Variants in TMEM74 observed in about 807,000 individuals in gnomAD.
The protein encoded by TMEM74 is transmembrane protein 74.
TMEM74 carries 13 observed loss-of-function variants against 18.1 expected under a neutral mutation model. The observed-to-expected ratio is 0.72, with a 90% confidence interval of 0.47 to 1.14. The LOEUF is 1.14. Among genes scored for constraint, TMEM74 ranks in the 50% most tolerant of loss-of-function variants. TMEM74 has a pLI of 0.00. For synonymous variants in TMEM74, 159 were observed against 146.6 expected (o/e 1.08, Z -0.61); for missense variants, 372 against 375.9 (o/e 0.99, Z 0.09).
At chr8:108,692,245 C>T (rs919998500) in intron 1 of TMEM74, among the ~76,000 whole-genome samples, 2 of 152,182 alleles carry the variant, frequency 1.3e-5, no homozygotes, top group Non-Finnish European at 2.9e-5. Flanking sequence ...TAAAACAACA[C>T]TAGCAAAGGT....
chr8:108,646,192 T>C (rs1352772569), intron 2 of TMEM74, among the ~76,000 whole-genome samples: 1 of 151,724 alleles, frequency 6.6e-6, no homozygotes, highest in East Asian at 1.9e-4. Context: ...AAATTCTCCA[T>C]GTGTATCCAT....
chr8:108,619,943 C>A (rs1812422926), intron 2 of TMEM74, among the ~76,000 whole-genome samples: 1 of 152,150 alleles, frequency 6.6e-6, no homozygotes, highest in South Asian at 2.1e-4. Context: ...ATGCTTTTTG[C>A]TGCTACTGCT....
At chr8:108,639,770 G>A (rs147349884) in intron 2 of TMEM74, among the ~76,000 whole-genome samples, 4 of 152,058 alleles carry the variant, frequency 2.6e-5, no homozygotes, top group South Asian at 2.1e-4. Flanking sequence ...TGGTCCCTAC[G>A]TATTACAGGA....
chr8:108,650,749 C>A (rs1236733417), intron 2 of TMEM74, among the ~76,000 whole-genome samples: 1 of 150,656 alleles, frequency 6.6e-6, no homozygotes, highest in Non-Finnish European at 1.5e-5. Flanking sequence ...TTGCTCTTGT[C>A]CCCCAGGCTG....
chr8:108,715,116 C>T (rs1220090491), intron 1 of TMEM74, among the ~76,000 whole-genome samples: 1 of 152,070 alleles, frequency 6.6e-6, no homozygotes, highest in African/African-American at 2.4e-5. Context: ...ATATTACCTG[C>T]TTTTTAATTT....
chr8:108,779,885 T>G lies in TMEM74; in HGVS notation c.*4296A>C, dbSNP rs79422180. The stretch of plus-strand genomic sequence containing the variant: ...AACGTCTTGCTTTTTACAGTGTCAA[T>G]TCACTAGGCAGGCAAATTATTTCCC... On this transcript the variant is annotated 3_prime_UTR_variant, in exon 2 of 2. Transcript: ENST00000297459. Among the ~76,000 whole-genome samples, 1,001 of 152,302 alleles carry G rather than the reference T, an allele frequency of 6.6e-3. 14 individuals carry two copies. Among genetic ancestry groups the G allele is most frequent in the African/African-American group, 0.022 (899 of 41,566 alleles).
chr8:108,684,251 C>G (rs1813145997), intron 1 of TMEM74, among the ~76,000 whole-genome samples: 1 of 152,024 alleles, frequency 6.6e-6, no homozygotes, highest in Admixed American at 6.5e-5. Context: ...TCCTTTGCAT[C>G]CTTGCCAGCA....
At chr8:108,680,720 C>A (rs2130598585) in intron 1 of TMEM74, among the ~76,000 whole-genome samples, 1 of 152,332 alleles carries the variant, frequency 6.6e-6, no homozygotes, top group South Asian at 2.1e-4. Context: ...AAGAGGAAGT[C>A]AAATTGTCCC....
chr8:108,678,690 G>T (rs1813080706), intron 1 of TMEM74, among the ~76,000 whole-genome samples: 1 of 149,728 alleles, frequency 6.7e-6, no homozygotes, highest in Admixed American at 6.7e-5. Flanking sequence ...TTCTTATAAA[G>T]CTGACTTTAT....
intron 1 of TMEM74, among the ~76,000 whole-genome samples, chr8:108,681,265 T>C (rs899023864): frequency 2.3e-4 from 35 of 152,144 alleles, no homozygotes; most frequent in Admixed American, 8.5e-4. Flanking sequence ...GACTTCAAAC[T>C]ATACTACAAG....
intron 1 of TMEM74, among the ~76,000 whole-genome samples, chr8:108,734,113 C>G (rs751952693): frequency 6.6e-6 from 1 of 152,034 alleles, no homozygotes; most frequent in Non-Finnish European, 1.5e-5. Context: ...AAGATCTGCC[C>G]GCAATGTAGG....
chr8:108,644,154 A>G (rs1812693041), intron 2 of TMEM74, among the ~76,000 whole-genome samples: 2 of 152,162 alleles, frequency 1.3e-5, no homozygotes, highest in African/African-American at 2.4e-5. Context: ...AAAAACAGAC[A>G]CATAAACCAA....
intron 2 of TMEM74, among the ~76,000 whole-genome samples, chr8:108,647,045 C>T (rs977959838): frequency 3.9e-5 from 6 of 152,126 alleles, no homozygotes; most frequent in African/African-American, 1.4e-4. Flanking sequence ...CTCACCATCT[C>T]CTTTTTAATT....
chr8:108,784,309 T>C lies in TMEM74; in HGVS notation c.790A>G (p.Arg264Gly). 3 of 1,614,138 alleles carry C rather than the reference T, an allele frequency of 1.9e-6. No homozygotes were observed. The highest frequency in any genetic ancestry group is 2.5e-6 in the Non-Finnish European group (3 of 1,180,036). Residue 264 changes from arginine (R) to glycine (G), a missense_variant, in exon 2 of 2, where the codon AGA (arginine) becomes GGA (glycine). Coordinates refer to ENST00000297459, the MANE Select transcript of TMEM74 (RefSeq NM_153015.3). ...MWKGELYRRNRFASSKESAKL... is the reference protein window; with the variant it reads ...MWKGELYRRNGFASSKESAKL... ...GCAGACTCTTTGGAAGAGGCAAATCTGTTTCGACGATAGAGCTCCCCCTTC... is the reference window on the plus strand; with the variant it reads ...GCAGACTCTTTGGAAGAGGCAAATCCGTTTCGACGATAGAGCTCCCCCTTC...
At chr8:108,707,392 G>A (rs1813427299) in intron 1 of TMEM74, among the ~76,000 whole-genome samples, 1 of 151,536 alleles carries the variant, frequency 6.6e-6, no homozygotes, top group South Asian at 2.1e-4. Context: ...TACTTGGATT[G>A]GCCAAATCAT....
At chr8:108,700,612 C>A (rs951658328) in intron 1 of TMEM74, among the ~76,000 whole-genome samples, 1 of 152,030 alleles carries the variant, frequency 6.6e-6, no homozygotes, top group Non-Finnish European at 1.5e-5. Flanking sequence ...GAAGTGCAAT[C>A]AGATAGCAAA....
At chr8:108,707,186 G>A (rs568410982) in intron 1 of TMEM74, among the ~76,000 whole-genome samples, 32 of 150,860 alleles carry the variant, frequency 2.1e-4, no homozygotes, top group African/African-American at 7.6e-4. Context: ...GGCCTGTCGG[G>A]GGGTGGGGGG....
intron 1 of TMEM74, among the ~76,000 whole-genome samples, chr8:108,756,643 A>AAAGG (rs1813970657): frequency 2.0e-5 from 1 of 49,004 alleles, no homozygotes; most frequent in Non-Finnish European, 4.0e-5. Flanking sequence ...AGGAAGGAAG[A>AAAGG]AAGAAAGAGA....
intron 1 of TMEM74, among the ~76,000 whole-genome samples, chr8:108,770,186 G>C (rs1263113473): frequency 6.6e-6 from 1 of 152,108 alleles, no homozygotes; most frequent in Non-Finnish European, 1.5e-5. Context: ...GAGAGGAGGA[G>C]AAAGAGGAAG....
Sources: allele counts gnomAD v4.1 joint callset (sites outside exome capture counted in the v4.1 genomes callset), GRCh38; gene constraint gnomAD v4.1.1; transcripts MANE v1.5; gene names NCBI Gene and HGNC (gene_info 2026-07-23, HGNC 2026-07-21).